The following AP1S3 variants were observed in gnomAD, a reference collection of about 807,000 sequenced individuals.
The protein encoded by AP1S3 is adaptor related protein complex 1 subunit sigma 3.
Under a neutral mutation model 20.9 loss-of-function variants are expected in AP1S3, and 10 were observed. The observed-to-expected ratio is 0.48, with a 90% CI of 0.29 to 0.81. AP1S3 has a LOEUF of 0.81. Ranked by LOEUF, AP1S3 falls within the 30% of genes least tolerant of loss-of-function variation. The pLI, the probability that AP1S3 is intolerant of heterozygous loss-of-function variation, is 0.08. For synonymous variants in AP1S3, 41 were observed against 61.5 expected, an observed-to-expected ratio of 0.67 and a Z score of 1.56; for missense variants, 154 against 183.8, an observed-to-expected ratio of 0.84 and a Z score of 0.94.
chr2:223,755,904 T>C lies in AP1S3; in HGVS notation c.*2811A>G, dbSNP rs1035419795. 9 of 985,338 alleles carry C rather than the reference T, an allele frequency of 9.1e-6. No individual in the cohort carries two copies. The highest frequency in any genetic ancestry group is 1.1e-5 in the Non-Finnish European group (9 of 829,946). 61.0% of individuals were successfully genotyped at this position (985,338 alleles called of 1,614,324 possible). On this transcript the variant is annotated 3_prime_UTR_variant, in exon 5 of 5. Coordinates refer to ENST00000396654, the MANE Select transcript of AP1S3 (RefSeq NM_001039569.2). ...CTGTCCATAACTAAAGTGTCTAATATGGAATTATCCAGAACATGTGTAGTA... is the reference window on the plus strand; with the variant it reads ...CTGTCCATAACTAAAGTGTCTAATACGGAATTATCCAGAACATGTGTAGTA...
intron 1 of AP1S3, among the ~76,000 whole-genome samples, chr2:223,795,599 G>A (rs1375249684): frequency 8.8e-5 from 2 of 22,856 alleles, no homozygotes; most frequent in Non-Finnish European, 1.3e-4. Context: ...GAAGGGGCCA[G>A]GAGGCGCCAG....
At chr2:223,817,057 G>A (rs1691859743) in intron 1 of AP1S3, among the ~76,000 whole-genome samples, 1 of 152,074 alleles carries the variant, frequency 6.6e-6, no homozygotes, top group Non-Finnish European at 1.5e-5. Context: ...CCTGGGAGAC[G>A]GAGGTTGCAG....
At chr2:223,834,938 C>T (rs1475363509) in intron 1 of AP1S3, among the ~76,000 whole-genome samples, 1 of 152,126 alleles carries the variant, frequency 6.6e-6, no homozygotes, top group Non-Finnish European at 1.5e-5. Flanking sequence ...GTTGGACTTT[C>T]CTATCTGCAT....
rs117642256 is a variant in AP1S3 at position 223,768,174 on chromosome 2, T to A, written c.292-2824A>T. The stretch of plus-strand genomic sequence containing the variant: ...CCGTGCCAGTTCTCATCCATGCATC[T>A]GACACACATGCCACAAACTCACAAT... On this transcript the variant is annotated intron_variant, in intron 3 of 4. Coordinates refer to ENST00000396654, the MANE Select transcript of AP1S3 (RefSeq NM_001039569.2). Among the ~76,000 whole-genome samples the A allele has an allele frequency of 2.6e-4, 39 of 152,342 alleles. 1 individual carries two copies. The East Asian group carries it at 7.3e-3, about 29-fold the overall frequency.
rs531434125 is a variant in AP1S3 at position 223,756,988 on chromosome 2, CTTTTTTTT to C, written c.*1719_*1726del. 2.1e-6 allele frequency: 2 copies of C among 934,968 alleles called. No individual in the cohort carries two copies. The highest frequency in any genetic ancestry group is 3.8e-5 in the African/African-American group (2 of 52,932). 57.9% of individuals were successfully genotyped at this position (934,968 alleles called of 1,614,324 possible). On this transcript the variant is annotated 3_prime_UTR_variant, in exon 5 of 5. Transcript: ENST00000396654. ...AGAATACTACAAGCTTTTACTTTTT[CTTTTTTTT>C]TTTTTTTTTCTTGAGACGCAGTCTT...
chr2:223,775,593 C>A (rs187683725), intron 3 of AP1S3, among the ~76,000 whole-genome samples: 1 of 152,160 alleles, frequency 6.6e-6, no homozygotes, highest in Non-Finnish European at 1.5e-5. Context: ...ATAATCCTAG[C>A]TCTTTGGGAA....
chr2:223,790,442 C>T (rs183058364), intron 1 of AP1S3, among the ~76,000 whole-genome samples: 4 of 152,176 alleles, frequency 2.6e-5, no homozygotes, highest in Non-Finnish European at 4.4e-5. Context: ...GCCATGTTAG[C>T]CAGGCTGGTC....
intron 4 of AP1S3, among the ~76,000 whole-genome samples, chr2:223,760,374 G>T (rs780416653): frequency 1.1e-4 from 17 of 152,206 alleles, no homozygotes; most frequent in Non-Finnish European, 2.2e-4. Flanking sequence ...GAGCAAGATT[G>T]CTCAGGAGAT....
chr2:223,819,424 C>T (rs1184359283), intron 1 of AP1S3, among the ~76,000 whole-genome samples: 1 of 152,082 alleles, frequency 6.6e-6, no homozygotes, highest in Non-Finnish European at 1.5e-5. Context: ...TTCCACTTGC[C>T]AAATATTTTA....
Position 223,765,505 on chromosome 2 carries a change from T to C in AP1S3, c.292-155A>G, listed in dbSNP as rs16865177. Reference sequence around the variant, plus strand: ...AAGGACAGAAAAAAAGAACAGGGAATGTCAGGCCTTTAATAAATGGAATGC... The same window carrying C: ...AAGGACAGAAAAAAAGAACAGGGAACGTCAGGCCTTTAATAAATGGAATGC... On this transcript the variant is annotated intron_variant, in intron 3 of 4. Coordinates refer to ENST00000396654, the MANE Select transcript of AP1S3 (RefSeq NM_001039569.2). Among the ~76,000 whole-genome samples, 830 of 152,242 alleles carry C rather than the reference T, an allele frequency of 5.5e-3. 7 individuals carry two copies. Among genetic ancestry groups the C allele is most frequent in the African/African-American group, 0.019 (797 of 41,516 alleles).
chr2:223,762,157 G>A (rs770505066), intron 4 of AP1S3, among the ~76,000 whole-genome samples: 1 of 151,538 alleles, frequency 6.6e-6, no homozygotes, highest in African/African-American at 2.4e-5. Flanking sequence ...ATTTTTAGTA[G>A]AGACGGAGTT....
chr2:223,761,974 A>T (rs1269800667), intron 4 of AP1S3, among the ~76,000 whole-genome samples: 5 of 151,418 alleles, frequency 3.3e-5, no homozygotes, highest in African/African-American at 1.2e-4. Flanking sequence ...TGAGAGTTTC[A>T]TTTTCTTTTC....
chr2:223,822,946 G>GA (rs1299831788), intron 1 of AP1S3, among the ~76,000 whole-genome samples: 1 of 151,830 alleles, frequency 6.6e-6, no homozygotes, highest in South Asian at 2.1e-4. Context: ...GACATTTCTT[G>GA]AAAAAAAGAT....
intron 1 of AP1S3, among the ~76,000 whole-genome samples, chr2:223,817,083 C>A (rs1389769803): frequency 1.3e-5 from 2 of 152,008 alleles, no homozygotes; most frequent in Non-Finnish European, 1.5e-5. Flanking sequence ...CGAGCTAGTG[C>A]CACTGCACTC....
Position 223,756,800 on chromosome 2 carries a change from C to A in AP1S3, c.*1915G>T. 1 of 985,252 alleles carries A rather than the reference C, an allele frequency of 1.0e-6. No homozygotes were observed. Among genetic ancestry groups the A allele is most frequent in the Non-Finnish European group, 1.2e-6 (1 of 829,900 alleles). 61.0% of individuals were successfully genotyped at this position (985,252 alleles called of 1,614,324 possible). A position where few individuals can be genotyped will look rare whatever the true frequency, so the allele number is the denominator to read the frequency against. On this transcript the variant is annotated 3_prime_UTR_variant, in exon 5 of 5. Transcript: ENST00000396654. ...AAAGAGAACATTTTTCCATCGAGTTCTCTAAAAATCTACCAGATGGGATCT... is the reference window on the plus strand; with the variant it reads ...AAAGAGAACATTTTTCCATCGAGTTATCTAAAAATCTACCAGATGGGATCT...
chr2:223,769,358 C>T (rs1269056313), intron 3 of AP1S3, among the ~76,000 whole-genome samples: 2 of 152,130 alleles, frequency 1.3e-5, no homozygotes, highest in African/African-American at 4.8e-5. Flanking sequence ...GGAGTGATTA[C>T]CTATTTATGC....
intron 3 of AP1S3, among the ~76,000 whole-genome samples, chr2:223,767,849 C>G (rs535956673): frequency 7.3e-4 from 111 of 152,268 alleles, no homozygotes; most frequent in Non-Finnish European, 1.3e-3. Flanking sequence ...CCCTTCCCCA[C>G]TCATTCCTCT....
At chr2:223,770,259 A>C (rs552718087) in intron 3 of AP1S3, 3 of 1,550,596 alleles carry the variant, frequency 1.9e-6, no homozygotes, top group African/African-American at 1.4e-5. Flanking sequence ...TCGGAGTTCA[A>C]GGCAGGCGTA....
chr2:223,821,949 C>G (rs947372984), intron 1 of AP1S3, among the ~76,000 whole-genome samples: 4 of 152,106 alleles, frequency 2.6e-5, no homozygotes, highest in African/African-American at 4.8e-5. Flanking sequence ...AAAGACAAGC[C>G]CCAGAGAAGC....
Sources: gnomAD v4.1 joint callset for allele counts (sites outside exome capture counted in the v4.1 genomes callset) on GRCh38, gnomAD v4.1.1 for gene constraint, MANE v1.5 for transcripts, NCBI Gene and HGNC (gene_info 2026-07-23, HGNC 2026-07-21) for gene names.